Variants in TMEM150B observed in about 807,000 individuals in gnomAD.
TMEM150B encodes transmembrane protein 150B.
In TMEM150B, 33 loss-of-function variants were observed where a neutral mutation model predicts 25.2. That is an observed-to-expected ratio of 1.31 (90% confidence interval 0.99 to 1.75). The LOEUF is 1.75. Among genes scored for constraint, TMEM150B ranks in the 40% most tolerant of loss-of-function variants. The pLI is 0.00. For synonymous variants in TMEM150B, 133 were observed against 134.8 expected (o/e 0.99, Z 0.09); for missense variants, 322 against 306.1 (o/e 1.05, Z -0.39).
chr19:55,315,359 T>C (rs545601334), intron 7 of TMEM150B, among the ~76,000 whole-genome samples: 19 of 150,046 alleles, frequency 1.3e-4, no homozygotes, highest in African/African-American at 3.9e-4. Context: ...AGGCCGGGCA[T>C]GGTGGCTCAT....
At chr19:55,314,222 G>A (rs748784993) in intron 7 of TMEM150B, among the ~76,000 whole-genome samples, 3 of 152,158 alleles carry the variant, frequency 2.0e-5, no homozygotes, top group African/African-American at 7.2e-5. Context: ...GAGTTTCACC[G>A]TGTTGGCCAG....
intron 1 of TMEM150B, among the ~76,000 whole-genome samples, chr19:55,324,365 G>T (rs1367807515): frequency 2.6e-5 from 4 of 151,016 alleles, no homozygotes; most frequent in Non-Finnish European, 5.9e-5. Context: ...AAATTAGCTG[G>T]GTGGCCGGGC....
At chr19:55,311,696 G>A (rs1364840777), downstream of TMEM150B, among the ~76,000 whole-genome samples, 3 of 152,142 alleles carry the variant, frequency 2.0e-5, no homozygotes, top group Non-Finnish European at 2.9e-5. Flanking sequence ...TGCAGCCCCC[G>A]TCCTAGGGGA....
At chr19:55,313,402 A>G (rs1161792975) in intron 7 of TMEM150B, among the ~76,000 whole-genome samples, 1 of 151,932 alleles carries the variant, frequency 6.6e-6, no homozygotes, top group Non-Finnish European at 1.5e-5. Context: ...GCCTGTAAAC[A>G]TGCATGGTTT....
At chr19:55,311,369 C>G (rs1226029087), downstream of TMEM150B, among the ~76,000 whole-genome samples, 2 of 152,158 alleles carry the variant, frequency 1.3e-5, no homozygotes, top group Admixed American at 1.3e-4. Context: ...AGTGTTTCCA[C>G]CTCAGTCCCC....
intron 7 of TMEM150B, among the ~76,000 whole-genome samples, chr19:55,315,804 C>T (rs2088979312): frequency 1.3e-5 from 2 of 151,648 alleles, no homozygotes; most frequent in Admixed American, 1.3e-4. Flanking sequence ...TTGGCAGGTG[C>T]CTGTAGTCCC....
At chr19:55,321,559 G>A (rs754641940) in intron 2 of TMEM150B, among the ~76,000 whole-genome samples, 18 of 151,986 alleles carry the variant, frequency 1.2e-4, no homozygotes, top group Non-Finnish European at 2.4e-4. Context: ...CCTCCAAACC[G>A]CCATGTCCTC....
At chr19:55,323,557 C>T (rs992244607) in intron 1 of TMEM150B, among the ~76,000 whole-genome samples, 2 of 151,042 alleles carry the variant, frequency 1.3e-5, no homozygotes, top group African/African-American at 4.9e-5. Flanking sequence ...GATTGGAGTG[C>T]AGTGGCGCAA....
intron 1 of TMEM150B, 74 bp downstream of exon 1, chr19:55,325,198 C>G: frequency 1.1e-6 from 1 of 872,446 alleles, no homozygotes; most frequent in Non-Finnish European, 1.4e-6. Context: ...CTGCTTGGAC[C>G]CTCCCTGGGA....
At chr19:55,309,773 A>G (rs960209116), downstream of TMEM150B, among the ~76,000 whole-genome samples, 2 of 152,244 alleles carry the variant, frequency 1.3e-5, no homozygotes. Context: ...CGCCCAAGCA[A>G]CCAGAGGTAG....
At chr19:55,318,419 G>A (rs778105449) in intron 6 of TMEM150B, among the ~76,000 whole-genome samples, 2 of 151,830 alleles carry the variant, frequency 1.3e-5, no homozygotes, top group Non-Finnish European at 2.9e-5. Context: ...CTCATTTGAG[G>A]TCAGGAGTTC....
At chr19:55,317,342 AT>A (rs2089039482) in intron 6 of TMEM150B, among the ~76,000 whole-genome samples, 1 of 152,214 alleles carries the variant, frequency 6.6e-6, no homozygotes. Context: ...TTCCATTAAA[AT>A]TTTAAAATAC....
At chr19:55,318,894 G>A (rs1290617427) in intron 6 of TMEM150B, among the ~76,000 whole-genome samples, 2 of 152,052 alleles carry the variant, frequency 1.3e-5, no homozygotes, top group African/African-American at 2.4e-5. Context: ...TCGACCTCCT[G>A]GGCTCAAGCA....
At chr19:55,324,641 C>A (rs2089289241) in intron 1 of TMEM150B, 1 of 871,276 alleles carries the variant, frequency 1.1e-6, no homozygotes, top group Non-Finnish European at 1.4e-6. Flanking sequence ...GAGTGAGACT[C>A]CGTCTCCAAA....
intron 6 of TMEM150B, 26 bp downstream of exon 6, chr19:55,320,013 G>C (rs1364540037): frequency 1.9e-6 from 3 of 1,613,820 alleles, no homozygotes; most frequent in Admixed American, 3.3e-5. Context: ...GGCCGGGACA[G>C]ACCCTGGGCG....
chr19:55,313,028 C>A lies in TMEM150B; in HGVS notation c.533G>T (p.Arg178Leu). Reference sequence around the variant, plus strand: ...CCACTCGCAGGCCGCAGAGACGCTACGCAGCGAGCAGGCGTGGAGGACGAT... The same window carrying A: ...CCACTCGCAGGCCGCAGAGACGCTAAGCAGCGAGCAGGCGTGGAGGACGAT... The part of the protein sequence containing the change: ...AMIVLHACSL[R>L]SVSAACEWVV... The change falls in exon 8 of 8, where the codon CGT becomes CTT. Residue 178 changes from arginine (R) to leucine (L), a missense_variant. Coordinates refer to ENST00000326652, the MANE Select transcript of TMEM150B (RefSeq NM_001282011.2). The A allele has an allele frequency of 6.2e-7, 1 of 1,613,002 alleles. No homozygotes were observed. Among genetic ancestry groups the A allele is most frequent in the Non-Finnish European group, 8.5e-7 (1 of 1,179,666 alleles).
At chr19:55,316,538 C>G (rs1355415963) in intron 7 of TMEM150B, among the ~76,000 whole-genome samples, 3 of 151,864 alleles carry the variant, frequency 2.0e-5, no homozygotes, top group Non-Finnish European at 4.4e-5. Context: ...TGAGGGATGA[C>G]GAAACCATTG....
intron 7 of TMEM150B, 45 bp from the exon 8 acceptor site, chr19:55,313,100 A>G: frequency 2.6e-6 from 4 of 1,547,772 alleles, no homozygotes; most frequent in Non-Finnish European, 3.5e-6. Context: ...ACAGACGCGG[A>G]GCCCGGCCTG....
intron 1 of TMEM150B, among the ~76,000 whole-genome samples, chr19:55,324,511 G>A (rs2089285147): frequency 6.6e-6 from 1 of 152,102 alleles, no homozygotes; most frequent in African/African-American, 2.4e-5. Flanking sequence ...AGCCGGGTGT[G>A]GTGGCAGGCA....
Sources: gnomAD v4.1 joint callset for allele counts (sites outside exome capture counted in the v4.1 genomes callset) on GRCh38, gnomAD v4.1.1 for gene constraint, MANE v1.5 for transcripts, NCBI Gene and HGNC (gene_info 2026-07-23, HGNC 2026-07-21) for gene names.